SPTBN5: variants seen among roughly 807,000 people sequenced by gnomAD.
SPTBN5 encodes the protein spectrin beta chain, non-erythrocytic 5.
In SPTBN5, 513 loss-of-function variants were observed where a neutral mutation model predicts 477.6. The observed-to-expected ratio is 1.07, with a 90% confidence interval of 1.00 to 1.16. The LOEUF is 1.16. Ranked by LOEUF, SPTBN5 falls within the 50% of genes most tolerant of loss-of-function variation. SPTBN5 has a pLI of 0.00. For missense variants in SPTBN5, 5,062 were observed against 4,731.8 expected (o/e 1.07, Z -2.05); for synonymous variants, 2,169 against 2,011.7 (o/e 1.08, Z -2.09).
chr15:41,856,471 T>G lies in SPTBN5; in HGVS notation c.8936A>C (p.Lys2979Thr). ...CTCTGCCCGCAGGTGGGCCATGGCC[T>G]TCTCCAGCTGCTGCACCCGGGCGGC... ...EVAARVQQLEKAMAHLRAEAA... is the reference protein window; with the variant it reads ...EVAARVQQLETAMAHLRAEAA... The change falls in exon 53 of 68, where the codon AAG becomes ACG. Residue 2979 changes from lysine to threonine, a missense_variant. Coordinates refer to ENST00000320955, the MANE Select transcript of SPTBN5 (RefSeq NM_016642.4). 3 of 1,597,710 alleles carry G rather than the reference T, an allele frequency of 1.9e-6. No individual in the cohort carries two copies. The highest frequency in any genetic ancestry group is 2.6e-6 in the Non-Finnish European group (3 of 1,173,434).
At chr15:41,876,981 G>A in intron 18 of SPTBN5, 33 bp from the exon 19 acceptor site, 2 of 1,587,960 alleles carry the variant, frequency 1.3e-6, no homozygotes, top group South Asian at 1.1e-5. Context: ...TCATGCCTGG[G>A]AGAATGGGGG....
Position 41,873,950 on chromosome 15 carries a change from T to C in SPTBN5, c.4785A>G (p.Gln1595=). Residue 1595 remains glutamine (Q), a synonymous_variant, in exon 25 of 68, where the codon CAA becomes CAG. Coordinates refer to ENST00000320955, the MANE Select transcript of SPTBN5 (RefSeq NM_016642.4). ...GCTCCTGGCACTGCTCCACGATGTG[T>C]TGGGCTTGGGGGTGCCCTGAGGCTG... ...SLAASGHPQA[Q]HIVEQCQELE... is the part of the protein sequence containing the mutation. The C allele has an allele frequency of 1.2e-6, 2 of 1,609,586 alleles. No individual in the cohort carries two copies. The highest frequency in any genetic ancestry group is 1.1e-5 in the South Asian group (1 of 91,080).
At position 41,876,884 on chromosome 15, in the gene SPTBN5, G is replaced by A. The variant is rs772106912; in HGVS notation, c.3776C>T (p.Thr1259Ile). The A allele has an allele frequency of 3.7e-5, 59 of 1,610,354 alleles. No homozygotes were observed. The highest frequency in any genetic ancestry group is 4.8e-5 in the Non-Finnish European group (57 of 1,179,804). Residue 1259 changes from threonine to isoleucine, a missense_variant, in exon 19 of 68, where the codon ACC becomes ATC. Transcript: ENST00000320955. ...CAGAGCCTCTGCCCGAGGCCCCAGGGTGCTCAGGAGCCGCCCAAACTCCCG... is the reference window on the plus strand; with the variant it reads ...CAGAGCCTCTGCCCGAGGCCCCAGGATGCTCAGGAGCCGCCCAAACTCCCG... Reference protein sequence around the residue: ...QHREFGRLLSTLGPRAEALRA... With the variant: ...QHREFGRLLSILGPRAEALRA...
In SPTBN5 at chr15:41,869,971, C is replaced by A; in HGVS notation, c.5723G>T (p.Gly1908Val). The change falls in exon 32 of 68, where the codon GGG (glycine) becomes GTG (valine). Residue 1908 changes from glycine to valine, a missense_variant. Transcript: ENST00000320955. The stretch of plus-strand genomic sequence containing the variant: ...CTGCTGCACCGCATGGGCCTGAGGC[C>A]CCGGACACAGCTTCTGCACCCTGCC... ...TAGRVQKLCP[G>V]PQAHAVQQRQ... The A allele has an allele frequency of 6.5e-7, 1 of 1,538,974 alleles. No homozygotes were observed. The highest frequency in any genetic ancestry group is 8.8e-7 in the Non-Finnish European group (1 of 1,141,080).
At position 41,863,902 on chromosome 15, in the gene SPTBN5, G is replaced by A. The variant is rs774314541; in HGVS notation, c.7034+7C>T. On this transcript the variant is annotated splice_region_variant and intron_variant, in intron 40 of 67. Transcript: ENST00000320955. ...GGCCCTTTGGTTCTCCCCAGCCTGG[G>A]ACTGGCCTGTTGTTGAGCTGGCTTC... 21 of 1,613,644 alleles carry A rather than the reference G, an allele frequency of 1.3e-5. No homozygotes were observed. In the East Asian group the frequency reaches 4.0e-4, roughly 31 times the overall value.
At position 41,856,300 on chromosome 15, in the gene SPTBN5, G is replaced by C. The variant is rs1038235545; in HGVS notation, c.9021+86C>G. ...GAGTGGAGGAGACGAAAGGTGCCCA[G>C]GCCAGGAGCCCCGGAGTGACCTCCC... On this transcript the variant is annotated intron_variant, in intron 53 of 67. Transcript: ENST00000320955. 4.7e-6 allele frequency: 6 copies of C among 1,278,012 alleles called. No individual in the cohort carries two copies. The African/African-American group carries it at 6.1e-5, about 13-fold the overall frequency. 79.2% of individuals were successfully genotyped at this position (1,278,012 alleles called of 1,614,324 possible).
chr15:41,870,172 T>C, intron 31 of SPTBN5, 71 bp downstream of exon 31: 7 of 1,500,026 alleles, frequency 4.7e-6, no homozygotes, highest in Non-Finnish European at 6.3e-6. Context: ...GTGGAAAATC[T>C]AGAGGAACAG....
In SPTBN5 at chr15:41,892,732, G is replaced by T. The variant is rs556884207; in HGVS notation, c.384+162C>A. 2.7e-3 allele frequency: 2,024 copies of T among 746,922 alleles called. 4 individuals are homozygous for T. The highest frequency in any genetic ancestry group is 3.7e-3 in the Non-Finnish European group (1,795 of 487,548). The allele number at this position is 746,922 out of a possible 1,614,324, so 46.3% of individuals were successfully genotyped here. On this transcript the variant is annotated intron_variant, in intron 3 of 67. Coordinates refer to ENST00000320955, the MANE Select transcript of SPTBN5 (RefSeq NM_016642.4). The stretch of plus-strand genomic sequence containing the variant: ...AAGTCAGGGGTGCTGTGCGAGGAGG[G>T]CGTGGCTTCTGCTCCTCTGTGTCCC...
intron 39 of SPTBN5, 90 bp downstream of exon 39, chr15:41,865,718 C>G: frequency 8.1e-7 from 1 of 1,232,520 alleles, no homozygotes; most frequent in East Asian, 2.6e-5. Context: ...CGCCCACGCC[C>G]TGCTCTACAG....
intron 4 of SPTBN5, 121 bp from the exon 5 acceptor site, chr15:41,888,206 A>C: frequency 1.0e-6 from 1 of 984,822 alleles, no homozygotes; most frequent in Admixed American, 2.7e-5. Flanking sequence ...GCCCGGGGCC[A>C]GTGTGACTCT....
Position 41,862,543 on chromosome 15 carries a change from T to A in SPTBN5, c.7381A>T (p.Lys2461Ter). The change falls in exon 43 of 68, where the codon AAG becomes TAG. Residue 2461 changes from lysine (K) to a stop codon, truncating the protein, a stop_gained. Coordinates refer to ENST00000320955, the MANE Select transcript of SPTBN5 (RefSeq NM_016642.4). LOFTEE classifies it high-confidence loss of function. ...SWWQLRSRAQ[K>*]RREALDALHQ... is the part of the protein sequence containing the mutation. ...GCAAGGCCTGCGGGTTCATACCGCT[T>A]CTGGGCCCTGCTCCGGAGCTGCCAC... 6.3e-7 allele frequency: 1 copy of A among 1,575,426 alleles called. No individual in the cohort carries two copies. Among genetic ancestry groups the A allele is most frequent in the Non-Finnish European group, 8.6e-7 (1 of 1,160,878 alleles).
In SPTBN5 at chr15:41,865,834, G is replaced by A. The variant is rs747686615; in HGVS notation, c.6892C>T (p.Arg2298Cys). 11 of 1,572,574 alleles carry A rather than the reference G, an allele frequency of 7.0e-6. No individual in the cohort carries two copies. The highest frequency in any genetic ancestry group is 4.7e-5 in the South Asian group (4 of 85,314). ...EHCLQLRRRL[R>C]EFRGNSAGDT... ...CCGGCCGAGTTTCCTCGGAACTCGC[G>A]GAGCCGCCGTCGGAGCTGCAGGCAG... The change falls in exon 39 of 68, where the codon CGC becomes TGC. Residue 2298 changes from arginine to cysteine, a missense_variant. By Grantham distance (180) the Arg-to-Cys change is radical (BLOSUM62 -3). Transcript: ENST00000320955.
At chr15:41,859,031 G>A (rs779567846) in intron 47 of SPTBN5, 51 bp from the exon 48 acceptor site, 7 of 1,416,774 alleles carry the variant, frequency 4.9e-6, no homozygotes, top group Non-Finnish European at 9.3e-7. Context: ...GGGCCAGGTG[G>A]GGTGCCCGTC....
intron 49 of SPTBN5, among the ~76,000 whole-genome samples, chr15:41,858,011 G>T (rs1028964099): frequency 6.6e-5 from 10 of 152,224 alleles, no homozygotes; most frequent in African/African-American, 2.4e-4. Flanking sequence ...TTTAAAAAGT[G>T]CTATGCTGGG....
chr15:41,890,779 C>G (rs1480870106), intron 3 of SPTBN5, among the ~76,000 whole-genome samples: 1 of 152,224 alleles, frequency 6.6e-6, no homozygotes, highest in Non-Finnish European at 1.5e-5. Flanking sequence ...TTGGGTGGCT[C>G]TTAGGTACAC....
chr15:41,874,495 G>A lies in SPTBN5; in HGVS notation c.4503-17C>T, dbSNP rs2066653769. 1 of 1,584,246 alleles carries A rather than the reference G, an allele frequency of 6.3e-7. No individual in the cohort carries two copies. Among genetic ancestry groups the A allele is most frequent in the Admixed American group, 1.8e-5 (1 of 54,820 alleles). On this transcript the variant is annotated splice_polypyrimidine_tract_variant and intron_variant, in intron 23 of 67. Transcript: ENST00000320955. ...AGCTCCAGCCTAGGAGGAGGAGGAA[G>A]AGATTGGAGAGGTTGGGAACAGAGT...
intron 27 of SPTBN5, among the ~76,000 whole-genome samples, 174 bp from the exon 28 acceptor site, chr15:41,872,091 A>T (rs1438705004): frequency 6.6e-6 from 1 of 152,178 alleles, no homozygotes; most frequent in Non-Finnish European, 1.5e-5. Context: ...GGGGCAGAGG[A>T]GGGTGTGGAC....
At chr15:41,865,956 T>C in intron 38 of SPTBN5, 53 bp from the exon 39 acceptor site, 1 of 1,545,628 alleles carries the variant, frequency 6.5e-7, no homozygotes. Context: ...CCCAGGCTCC[T>C]GGCACCTGCT....
intron 47 of SPTBN5, 121 bp from the exon 48 acceptor site, chr15:41,859,101 G>A: frequency 1.4e-6 from 1 of 698,970 alleles, no homozygotes; most frequent in East Asian, 3.0e-5. Context: ...TTGGAATAAA[G>A]GTACATTGCA....
Sources: gnomAD v4.1 joint callset for allele counts (sites outside exome capture counted in the v4.1 genomes callset) on GRCh38, gnomAD v4.1.1 for gene constraint, MANE v1.5 for transcripts, NCBI Gene and HGNC (gene_info 2026-07-23, HGNC 2026-07-21) for gene names.